The following CEP192 variants were observed in gnomAD, a reference collection of about 807,000 sequenced individuals.
CEP192 encodes centrosomal protein 192.
A neutral mutation model predicts 271.8 loss-of-function variants in CEP192; 151 were observed. The observed-to-expected ratio is 0.56, with a 90% CI of 0.49 to 0.64. CEP192 has a LOEUF of 0.64. CEP192 is among the 30% of genes least tolerant of loss of function. The probability of loss-of-function intolerance (pLI) is 0.00; values close to 1 mark genes in which losing one functional copy is unlikely to be tolerated. For synonymous variants in CEP192, 995 were observed against 1,076.5 expected (o/e 0.92, Z 1.48); for missense variants, 2,910 against 3,020.5 (o/e 0.96, Z 0.86).
chr18:13,060,514 A>G (rs1025479833), intron 21 of CEP192, among the ~76,000 whole-genome samples: 1 of 152,362 alleles, frequency 6.6e-6, no homozygotes, highest in African/African-American at 2.4e-5. Flanking sequence ...TATGATGGCT[A>G]TATCACAAGG....
intron 40 of CEP192, among the ~76,000 whole-genome samples, chr18:13,106,633 C>A (rs907417834): frequency 6.6e-6 from 1 of 151,726 alleles, no homozygotes; most frequent in South Asian, 2.1e-4. Context: ...ATTTCCCACA[C>A]AACCCTCAAC....
intron 9 of CEP192, among the ~76,000 whole-genome samples, chr18:13,024,669 G>A (rs180890050): frequency 9.2e-5 from 14 of 152,112 alleles, no homozygotes; most frequent in Admixed American, 8.5e-4. Context: ...CACCATGTTG[G>A]CCAGGATGGT....
chr18:13,098,853 A>T (rs985373992), intron 36 of CEP192, among the ~76,000 whole-genome samples: 7 of 152,148 alleles, frequency 4.6e-5, no homozygotes, highest in Non-Finnish European at 8.8e-5. Flanking sequence ...GGTTGTAGCG[A>T]GCCGAAATCA....
chr18:13,001,750 C>T (rs1235102443), intron 3 of CEP192, among the ~76,000 whole-genome samples, 168 bp downstream of exon 3: 2 of 152,238 alleles, frequency 1.3e-5, no homozygotes, highest in Non-Finnish European at 2.9e-5. Flanking sequence ...ATTGCCCAGG[C>T]TATAGTGCAA....
chr18:13,114,035 T>A, intron 41 of CEP192, 95 bp from the exon 42 acceptor site: 1 of 1,425,302 alleles, frequency 7.0e-7, no homozygotes, highest in Non-Finnish European at 9.5e-7. Flanking sequence ...CTTTTAAAAA[T>A]TTTTAAAGGA....
intron 4 of CEP192, among the ~76,000 whole-genome samples, chr18:13,011,119 TGGG>T (rs916509346): frequency 1.5e-4 from 22 of 150,216 alleles, no homozygotes; most frequent in Non-Finnish European, 3.1e-4. Context: ...CCCAGCTACT[TGGG>T]GGGCTGAGGC....
At chr18:13,010,358 G>T (rs551079268) in intron 4 of CEP192, among the ~76,000 whole-genome samples, 3 of 152,164 alleles carry the variant, frequency 2.0e-5, no homozygotes, top group Non-Finnish European at 4.4e-5. Flanking sequence ...ATTATATGTT[G>T]TAAGATTGAT....
At position 13,059,172 on chromosome 18, in the gene CEP192, C is replaced by T; in HGVS notation, c.4348C>T (p.Pro1450Ser). The change falls in exon 21 of 45, where the codon CCA (proline) becomes TCA (serine). Residue 1450 changes from proline to serine, a missense_variant. Coordinates refer to ENST00000506447, the MANE Select transcript of CEP192 (RefSeq NM_032142.4). The stretch of plus-strand genomic sequence containing the variant: ...AGAAGAGATAAAAGTGCTTTTTATA[C>T]CATCCAGTCCTGGGGTTTTCAGATG... Reference protein sequence around the residue: ...ATEEIKVLFIPSSPGVFRCTF... With the variant: ...ATEEIKVLFISSSPGVFRCTF... 1 of 1,613,870 alleles carries T rather than the reference C, an allele frequency of 6.2e-7. No homozygotes were observed. Among genetic ancestry groups the T allele is most frequent in the Non-Finnish European group, 8.5e-7 (1 of 1,179,806 alleles).
chr18:13,107,800 CTTTG>C (rs1319004062), intron 40 of CEP192, among the ~76,000 whole-genome samples: 1 of 150,248 alleles, frequency 6.7e-6, no homozygotes. Flanking sequence ...GTGATACTGA[CTTTG>C]TTTATTAAAA....
intron 30 of CEP192, among the ~76,000 whole-genome samples, chr18:13,074,969 T>A (rs895686687): frequency 1.3e-5 from 2 of 152,216 alleles, no homozygotes; most frequent in Non-Finnish European, 2.9e-5. Context: ...AAAAATGTAT[T>A]GATTATTCCA....
rs368514425 is a variant in CEP192 at position 13,098,654 on chromosome 18, G to A, written c.6558-822G>A. Among the ~76,000 whole-genome samples, 57 of 151,652 alleles carry A rather than the reference G, an allele frequency of 3.8e-4. 2 individuals are homozygous for A. The South Asian group carries it at 0.011, about 30-fold the overall frequency. The stretch of plus-strand genomic sequence containing the variant: ...GGGAAGAGGCGCTCCTCCCTTCCTA[G>A]ATGGAATGGCGGCCAGGCAGAGACG... On this transcript the variant is annotated intron_variant, in intron 36 of 44. Transcript: ENST00000506447.
At chr18:13,006,248 T>G (rs2033973544) in intron 3 of CEP192, among the ~76,000 whole-genome samples, 1 of 152,136 alleles carries the variant, frequency 6.6e-6, no homozygotes, top group Non-Finnish European at 1.5e-5. Flanking sequence ...AATCATAATT[T>G]TAATCATGAG....
chr18:13,019,115 A>G lies in CEP192; in HGVS notation c.959A>G (p.Tyr320Cys). The G allele has an allele frequency of 6.5e-7, 1 of 1,543,132 alleles. No individual in the cohort carries two copies. The highest frequency in any genetic ancestry group is 2.0e-5 in the Admixed American group (1 of 49,186). Residue 320 changes from tyrosine (Y) to cysteine (C), a missense_variant, in exon 9 of 45, where the codon TAC becomes TGC. By Grantham distance (194) the Tyr-to-Cys change is radical. Coordinates refer to ENST00000506447, the MANE Select transcript of CEP192 (RefSeq NM_032142.4). ...NSIGTGDSRR[Y>C]TDGMLPFSSG... ...ATAGGTACTGGAGATAGTAGAAGGT[A>G]CACAGATGGTATGTTACCATTTTCC...
intron 13 of CEP192, among the ~76,000 whole-genome samples, chr18:13,039,876 G>T (rs184704474): frequency 2.0e-5 from 3 of 152,174 alleles, no homozygotes. Flanking sequence ...TGTGATGAAG[G>T]CTGGGGACAA....
At chr18:13,035,146 A>C (rs1406568842) in intron 11 of CEP192, among the ~76,000 whole-genome samples, 2 of 152,210 alleles carry the variant, frequency 1.3e-5, no homozygotes, top group Admixed American at 6.5e-5. Flanking sequence ...TGAATCCCTT[A>C]TAGTTCAGAG....
chr18:13,021,421 A>G (rs1481704924), intron 9 of CEP192, among the ~76,000 whole-genome samples: 2 of 152,180 alleles, frequency 1.3e-5, no homozygotes, highest in African/African-American at 2.4e-5. Context: ...AAATCAATTT[A>G]TCATGTATGT....
intron 1 of CEP192, 112 bp downstream of exon 1, chr18:12,991,549 T>TG (rs1168088784): frequency 6.6e-6 from 1 of 152,232 alleles, no homozygotes; most frequent in Non-Finnish European, 1.5e-5. Context: ...TTGGGCCGGG[T>TG]GGGGGCGCAG....
At chr18:13,094,730 A>G (rs949525466) in intron 34 of CEP192, among the ~76,000 whole-genome samples, 12 of 152,180 alleles carry the variant, frequency 7.9e-5, no homozygotes, top group Non-Finnish European at 1.6e-4. Flanking sequence ...GGAAACGTGG[A>G]CTAATGTACA....
At chr18:13,006,746 G>A (rs113689098) in intron 3 of CEP192, among the ~76,000 whole-genome samples, 11 of 149,332 alleles carry the variant, frequency 7.4e-5, no homozygotes, top group African/African-American at 2.3e-4. Context: ...CAAGAGGGAC[G>A]TTGTTCCTGG....
Sources: gnomAD v4.1 joint callset for allele counts (sites outside exome capture counted in the v4.1 genomes callset) on GRCh38, gnomAD v4.1.1 for gene constraint, MANE v1.5 for transcripts, NCBI Gene and HGNC (gene_info 2026-07-23, HGNC 2026-07-21) for gene names.